The following SUSD4 variants were observed in gnomAD, a reference collection of about 807,000 sequenced individuals.
The protein encoded by SUSD4 is sushi domain-containing protein 4.
SUSD4 carries 41 observed loss-of-function variants against 50.5 expected under a neutral mutation model. That is an observed-to-expected ratio of 0.81 (90% CI 0.63 to 1.05). The LOEUF (loss-of-function observed/expected upper bound fraction) is 1.05. Among genes scored for constraint, SUSD4 ranks in the 50% least tolerant of loss-of-function variants. The pLI is 0.00. For synonymous variants in SUSD4, 257 were observed against 257.3 expected (o/e 1.00, Z 0.01); for missense variants, 580 against 634.7 (o/e 0.91, Z 0.93).
chr1:223,250,846 G>GCAGGCCAAAGGATGCTGGC (rs1661255537), intron 5 of SUSD4, among the ~76,000 whole-genome samples: 1 of 152,200 alleles, frequency 6.6e-6, no homozygotes, highest in Non-Finnish European at 1.5e-5. Context: ...GGGGCTGTGG[G>GCAGGCCAAAGGATGCTGGC]CAGGCCAAAG....
At chr1:223,320,220 C>T (rs547174377) in intron 2 of SUSD4, among the ~76,000 whole-genome samples, 1 of 152,272 alleles carries the variant, frequency 6.6e-6, no homozygotes, top group East Asian at 1.9e-4. Context: ...CTTTTACCTC[C>T]TCTCTCTCTG....
At chr1:223,324,473 G>C (rs1178718956) in intron 2 of SUSD4, among the ~76,000 whole-genome samples, 1 of 151,626 alleles carries the variant, frequency 6.6e-6, no homozygotes, top group East Asian at 1.9e-4. Context: ...CATCCAAAAT[G>C]GTTACTTTAA....
chr1:223,364,460 C>A (rs1669203185), upstream of SUSD4, among the ~76,000 whole-genome samples: 1 of 147,570 alleles, frequency 6.8e-6, no homozygotes, highest in Admixed American at 6.7e-5. This position sits in a 1 kb window ranked among gnomAD's most constrained non-coding sequence, Gnocchi z 4.5. Context: ...CGGAGACTGG[C>A]GAGGGCGGGG....
At chr1:223,228,923 T>C (rs989602498) in intron 6 of SUSD4, among the ~76,000 whole-genome samples, 7 of 151,648 alleles carry the variant, frequency 4.6e-5, no homozygotes, top group African/African-American at 1.7e-4. Flanking sequence ...AGGTTAATAC[T>C]CCTGACCCTC....
intron 3 of SUSD4, among the ~76,000 whole-genome samples, chr1:223,285,047 T>C (rs1253342027): frequency 6.6e-6 from 1 of 152,202 alleles, no homozygotes; most frequent in South Asian, 2.1e-4. Flanking sequence ...AATAGATATT[T>C]GTGATGATGG....
chr1:223,261,066 G>A (rs926884381), intron 5 of SUSD4, among the ~76,000 whole-genome samples: 1 of 152,116 alleles, frequency 6.6e-6, no homozygotes, highest in Non-Finnish European at 1.5e-5. Context: ...TGTAAAAGGA[G>A]GCCAACAACC....
At chr1:223,281,306 T>G in intron 3 of SUSD4, among the ~76,000 whole-genome samples, 1 of 152,152 alleles carries the variant, frequency 6.6e-6, no homozygotes, top group Non-Finnish European at 1.5e-5. Context: ...GGAGCTGGTT[T>G]TCTGAAAAGA....
intron 2 of SUSD4, among the ~76,000 whole-genome samples, chr1:223,329,662 T>C (rs540805088): frequency 7.9e-5 from 12 of 152,318 alleles, no homozygotes; most frequent in African/African-American, 2.4e-4. Context: ...ACTTAATGAA[T>C]GGACAGATGG....
intron 3 of SUSD4, among the ~76,000 whole-genome samples, chr1:223,271,095 G>A (rs1226687873): frequency 7.2e-5 from 11 of 152,162 alleles, no homozygotes; most frequent in African/African-American, 2.2e-4. Flanking sequence ...GCATCCGTCT[G>A]TAAAATCTTG....
At chr1:223,363,130 C>A (rs1365745208) in intron 2 of SUSD4, 148 bp downstream of exon 2, 20 of 986,172 alleles carry the variant, frequency 2.0e-5, no homozygotes, top group Non-Finnish European at 2.7e-5. Context: ...GAAGGGCGGC[C>A]ATAGGCTGGG....
intron 2 of SUSD4, among the ~76,000 whole-genome samples, chr1:223,300,781 A>G (rs1162975066): frequency 6.6e-6 from 1 of 152,212 alleles, no homozygotes; most frequent in Non-Finnish European, 1.5e-5. Flanking sequence ...AATCAAGACC[A>G]ACCCCAAAAG....
chr1:223,324,422 A>G (rs1281578628), intron 2 of SUSD4, among the ~76,000 whole-genome samples: 2 of 151,848 alleles, frequency 1.3e-5, no homozygotes, highest in African/African-American at 4.8e-5. Context: ...CAAGACACCA[A>G]TATTTAAGGA....
intron 3 of SUSD4, among the ~76,000 whole-genome samples, chr1:223,291,870 T>C (rs1664513969): frequency 6.6e-6 from 1 of 152,226 alleles, no homozygotes; most frequent in African/African-American, 2.4e-5. Context: ...AACCAACAGA[T>C]GTGGGGTAAT....
intron 4 of SUSD4, among the ~76,000 whole-genome samples, chr1:223,265,775 A>G (rs533243272): frequency 1.3e-5 from 2 of 152,316 alleles, no homozygotes; most frequent in Admixed American, 6.5e-5. Context: ...GGCATTTCTT[A>G]TTGCTTCAGC....
intron 2 of SUSD4, among the ~76,000 whole-genome samples, chr1:223,345,211 T>C (rs549714464): frequency 1.1e-3 from 161 of 152,236 alleles, no homozygotes; most frequent in South Asian, 3.3e-3. Flanking sequence ...CGAGGTGGTC[T>C]TTCATTCTCA....
chr1:223,276,302 C>T lies in SUSD4; in HGVS notation c.362-7627G>A, dbSNP rs536083494. 2.0e-5 allele frequency among the ~76,000 whole-genome samples: 3 copies of T among 152,304 alleles called. No homozygotes were observed. The South Asian group carries it at 6.2e-4, about 32-fold the overall frequency. ...TGATGATGTTGTTGTTCTCCATTTG[C>T]CTGACAATTCTGGGACTTTGAGCAA... On this transcript the variant is annotated intron_variant, in intron 3 of 8. Coordinates refer to ENST00000366878, the MANE Select transcript of SUSD4 (RefSeq NM_017982.4).
At chr1:223,311,227 G>A (rs1300162292) in intron 2 of SUSD4, among the ~76,000 whole-genome samples, 1 of 152,204 alleles carries the variant, frequency 6.6e-6, no homozygotes, top group Non-Finnish European at 1.5e-5. Context: ...CTTAATTTCC[G>A]AAACACTGTT....
chr1:223,235,085 T>C, intron 5 of SUSD4: 1 of 1,603,202 alleles, frequency 6.2e-7, no homozygotes, highest in Non-Finnish European at 8.5e-7. Context: ...AGGGAAAAGA[T>C]GTTCAGGTCT....
At position 223,220,835 on chromosome 1, in the gene SUSD4, CT is replaced by C. The variant is rs1241347452; in HGVS notation, c.*1356del. 1 of 389,694 alleles carries C rather than the reference CT, an allele frequency of 2.6e-6. No individual in the cohort carries two copies. The highest frequency in any genetic ancestry group is 3.6e-5 in the East Asian group (1 of 27,544). 24.1% of individuals were successfully genotyped at this position (389,694 alleles called of 1,614,324 possible). Reference sequence around the variant, plus strand: ...AAGTCACGCTTCAAACTGTCATTTTCTTTTAATTTTTAATCAGTCTGTGTCA... The same window carrying C: ...AAGTCACGCTTCAAACTGTCATTTTCTTTAATTTTTAATCAGTCTGTGTCA... On this transcript the variant is annotated 3_prime_UTR_variant, in exon 9 of 9. Transcript: ENST00000366878.
Sources: gnomAD v4.1 joint callset for allele counts (sites outside exome capture counted in the v4.1 genomes callset) on GRCh38, gnomAD v4.1.1 for gene constraint, Gnocchi (gnomAD v3.1) non-coding constraint, MANE v1.5 for transcripts, NCBI Gene and HGNC (gene_info 2026-07-23, HGNC 2026-07-21) for gene names.